FAT3: variants seen among roughly 807,000 people sequenced by gnomAD.
The protein encoded by FAT3 is protocadherin Fat 3.
A neutral mutation model predicts 310.2 loss-of-function variants in FAT3; 95 were observed. That is an observed-to-expected ratio of 0.31 (90% confidence interval 0.26 to 0.36). FAT3 has a LOEUF of 0.36. Ranked by LOEUF, FAT3 falls within the 10% of genes least tolerant of loss-of-function variation. The pLI is 1.00. For missense variants in FAT3, 5,408 were observed against 5,715.6 expected (o/e 0.95, Z 1.74); for synonymous variants, 2,314 against 2,192.9 (o/e 1.06, Z -1.54).
In FAT3 at chr11:92,800,564, T is replaced by C; in HGVS notation, c.7551T>C (p.His2517=). ...TGGCTGCAGGAACAAAGGTAATTCA[T>C]GTTCGAGCCACAGATGGTGATCCAG... The part of the protein sequence containing the change: ...ENVAAGTKVI[H]VRATDGDPGT... The change falls in exon 10 of 28, where the codon CAT becomes CAC. Residue 2517 remains histidine (H), a synonymous_variant. Transcript: ENST00000525166. 1 of 1,613,790 alleles carries C rather than the reference T, an allele frequency of 6.2e-7. No individual in the cohort carries two copies. Among genetic ancestry groups the C allele is most frequent in the South Asian group, 1.1e-5 (1 of 91,030 alleles).
intron 2 of FAT3, among the ~76,000 whole-genome samples, chr11:92,467,014 G>A (rs1951779872): frequency 1.3e-5 from 2 of 152,012 alleles, no homozygotes; most frequent in Admixed American, 1.3e-4. Flanking sequence ...CCAAGTCTTT[G>A]CTATTGTGAA....
At chr11:92,753,798 G>GTATATATATATATATATATATA (rs1555140308) in intron 4 of FAT3, among the ~76,000 whole-genome samples, 9 of 119,130 alleles carry the variant, frequency 7.6e-5, no homozygotes, top group East Asian at 6.8e-4. Context: ...GTGTGTGTGT[G>GTATATATATATATATATATATA]TATATATATA....
At chr11:92,536,895 G>A (rs1236896620) in intron 3 of FAT3, among the ~76,000 whole-genome samples, 3 of 152,106 alleles carry the variant, frequency 2.0e-5, no homozygotes, top group African/African-American at 2.4e-5. Context: ...ATGACACCTT[G>A]GAAAGTTCAC....
At chr11:92,664,571 G>T (rs1286084958) in intron 3 of FAT3, among the ~76,000 whole-genome samples, 3 of 152,084 alleles carry the variant, frequency 2.0e-5, no homozygotes, top group Non-Finnish European at 4.4e-5. Flanking sequence ...CACAATATCT[G>T]TGGTTGGCAA....
Position 92,368,853 on chromosome 11 carries a change from C to CAT in FAT3, c.3292+13451_3292+13452dup, listed in dbSNP as rs1949096723. Among the ~76,000 whole-genome samples, 33 of 102,124 alleles carry CAT rather than the reference C, an allele frequency of 3.2e-4. No homozygotes were observed. The South Asian group carries it at 8.4e-3, about 26-fold the overall frequency. 67.0% of individuals were successfully genotyped at this position (102,124 alleles called of 152,430 possible). A position where few individuals can be genotyped will look rare whatever the true frequency, so the allele number is the denominator to read the frequency against. ...GTATACATATATATATATATACACA[C>CAT]ATACACATATATATATACACACATA... On this transcript the variant is annotated intron_variant, in intron 2 of 27. Transcript: ENST00000525166.
chr11:92,571,498 A>G (rs1324990693), intron 3 of FAT3, among the ~76,000 whole-genome samples: 5 of 152,202 alleles, frequency 3.3e-5, no homozygotes, highest in Non-Finnish European at 2.9e-5. Flanking sequence ...TGGAAAGGTC[A>G]CTTTTTCATA....
intron 1 of FAT3, among the ~76,000 whole-genome samples, chr11:92,230,187 C>A (rs1250011216): frequency 2.0e-5 from 3 of 152,138 alleles, no homozygotes; most frequent in Admixed American, 1.3e-4. Context: ...CTTTGTACAT[C>A]TGAAATATAT....
chr11:92,415,829 T>G (rs1216647324), intron 2 of FAT3, among the ~76,000 whole-genome samples: 1 of 150,774 alleles, frequency 6.6e-6, no homozygotes, highest in Non-Finnish European at 1.5e-5. Flanking sequence ...AGTACCAATC[T>G]TTTAGCATAA....
intron 3 of FAT3, among the ~76,000 whole-genome samples, chr11:92,618,325 G>A (rs577395088): frequency 6.6e-6 from 1 of 152,268 alleles, no homozygotes; most frequent in Admixed American, 6.5e-5. Context: ...TAAGACCGTT[G>A]GAAAAGTGCA....
At chr11:92,378,394 G>T (rs753607088) in intron 2 of FAT3, among the ~76,000 whole-genome samples, 1 of 152,034 alleles carries the variant, frequency 6.6e-6, no homozygotes, top group Non-Finnish European at 1.5e-5. Context: ...TTTCATTAAG[G>T]TCTTATAAGC....
intron 7 of FAT3, among the ~76,000 whole-genome samples, chr11:92,782,080 G>A (rs1443153231): frequency 6.6e-6 from 1 of 152,034 alleles, no homozygotes; most frequent in Non-Finnish European, 1.5e-5. Context: ...AGGCTGAGAC[G>A]GGAGGATCAC....
intron 2 of FAT3, among the ~76,000 whole-genome samples, chr11:92,518,348 T>A (rs1164817853): frequency 2.6e-5 from 4 of 151,854 alleles, no homozygotes; most frequent in Non-Finnish European, 5.9e-5. Flanking sequence ...AAAGGATGAG[T>A]TCCTGTCTTT....
chr11:92,479,805 C>G (rs1952167356), intron 2 of FAT3, among the ~76,000 whole-genome samples: 1 of 152,158 alleles, frequency 6.6e-6, no homozygotes, highest in South Asian at 2.1e-4. Context: ...AAGTGTAACT[C>G]CTATATGGCC....
chr11:92,573,581 T>G (rs953891204), intron 3 of FAT3, among the ~76,000 whole-genome samples: 1 of 152,090 alleles, frequency 6.6e-6, no homozygotes, highest in Non-Finnish European at 1.5e-5. Flanking sequence ...TGATTTAAGA[T>G]GGGTTGTAAA....
intron 3 of FAT3, among the ~76,000 whole-genome samples, chr11:92,557,062 A>G (rs1591445549): frequency 6.6e-6 from 1 of 151,850 alleles, no homozygotes; most frequent in South Asian, 2.1e-4. Context: ...CCCATTTTTC[A>G]TAGTTTTCAT....
Position 92,764,938 on chromosome 11 carries a change from A to G in FAT3, c.4044A>G (p.Glu1348=). 1.9e-6 allele frequency: 3 copies of G among 1,613,864 alleles called. No homozygotes were observed. Among genetic ancestry groups the G allele is most frequent in the African/African-American group, 1.3e-5 (1 of 75,030 alleles). Residue 1348 remains glutamate, a synonymous_variant, in exon 6 of 28, where the codon GAA becomes GAG. Transcript: ENST00000525166. ...QKSSTARLHI[E]WIKKPPPSPI... ...CCTCCACGGCCCGCCTCCACATTGAATGGATTAAGAAACCACCCCCTTCAC... is the reference window on the plus strand; with the variant it reads ...CCTCCACGGCCCGCCTCCACATTGAGTGGATTAAGAAACCACCCCCTTCAC...
At position 92,565,981 on chromosome 11, in the gene FAT3, C is replaced by G. The variant is rs191825997; in HGVS notation, c.3607+41033C>G. Among the ~76,000 whole-genome samples, 8 of 152,212 alleles carry G rather than the reference C, an allele frequency of 5.3e-5. No homozygotes were observed. In the East Asian group the frequency reaches 1.5e-3, roughly 29 times the overall value. On this transcript the variant is annotated intron_variant, in intron 3 of 27. Transcript: ENST00000525166. ...ATTCCCTTTGAAAACTGGCACAAGA[C>G]AGGGATGCCCTCTCTCACCACTCCT... is the stretch of plus-strand genomic sequence containing the variant.
chr11:92,751,504 C>T (rs1480455915), intron 4 of FAT3, among the ~76,000 whole-genome samples: 2 of 152,050 alleles, frequency 1.3e-5, no homozygotes, highest in Non-Finnish European at 2.9e-5. Context: ...GATGATGTAA[C>T]CATGTAACAA....
At chr11:92,563,754 T>C (rs567646069) in intron 3 of FAT3, among the ~76,000 whole-genome samples, 26 of 152,156 alleles carry the variant, frequency 1.7e-4, no homozygotes, top group African/African-American at 6.0e-4. Flanking sequence ...AGGAAAAGAA[T>C]TTTCAACCCA....
Sources: allele counts gnomAD v4.1 joint callset (sites outside exome capture counted in the v4.1 genomes callset), GRCh38; gene constraint gnomAD v4.1.1; transcripts MANE v1.5; gene names NCBI Gene and HGNC (gene_info 2026-07-23, HGNC 2026-07-21).